SLC2A5: variants seen among roughly 807,000 people sequenced by gnomAD.
SLC2A5 encodes the protein solute carrier family 2, facilitated glucose transporter member 5.
A neutral mutation model predicts 50.3 loss-of-function variants in SLC2A5; 56 were observed. That is an observed-to-expected ratio of 1.11 (90% CI 0.90 to 1.39). The LOEUF (loss-of-function observed/expected upper bound fraction) is 1.39. Ranked by LOEUF, SLC2A5 falls within the 40% of genes most tolerant of loss-of-function variation. The pLI is 0.00. For synonymous variants in SLC2A5, 269 were observed against 281.9 expected (o/e 0.95, Z 0.46); for missense variants, 566 against 650.1 (o/e 0.87, Z 1.41).
chr1:9,080,551 A>C (rs1169470578), intron 2 of SLC2A5, among the ~76,000 whole-genome samples: 1 of 152,118 alleles, frequency 6.6e-6, no homozygotes, highest in Non-Finnish European at 1.5e-5. Flanking sequence ...GTGAGCTCTC[A>C]TTGTGGTTTT....
intron 1 of SLC2A5, among the ~76,000 whole-genome samples, chr1:9,060,648 A>C (rs1296743039): frequency 6.8e-4 from 45 of 66,256 alleles, no homozygotes; most frequent in South Asian, 1.2e-3. Context: ...CAGCCCACAC[A>C]CCCCCCACAC....
chr1:9,048,860 T>C (rs909881174), intron 3 of SLC2A5, among the ~76,000 whole-genome samples: 2 of 152,116 alleles, frequency 1.3e-5, no homozygotes, highest in African/African-American at 2.4e-5. Flanking sequence ...TTTCCCCATG[T>C]TGGCCAGGCT....
At chr1:9,084,710 A>G (rs1179780221) in intron 2 of SLC2A5, among the ~76,000 whole-genome samples, 5 of 152,194 alleles carry the variant, frequency 3.3e-5, no homozygotes, top group African/African-American at 4.8e-5. Flanking sequence ...CAGCAGCCCT[A>G]TGGGGGCAGC....
intron 2 of SLC2A5, among the ~76,000 whole-genome samples, chr1:9,080,385 C>T (rs1289111777): frequency 6.6e-6 from 1 of 152,062 alleles, no homozygotes; most frequent in Non-Finnish European, 1.5e-5. Context: ...TTAGGAATTA[C>T]CGTTCTGTTT....
chr1:9,087,168 C>T (rs1405046777), intron 1 of SLC2A5, among the ~76,000 whole-genome samples: 1 of 151,850 alleles, frequency 6.6e-6, no homozygotes, highest in Non-Finnish European at 1.5e-5. Context: ...ATAAACCTGT[C>T]CTTAACTGTC....
Sources: gnomAD v4.1 joint callset for allele counts (sites outside exome capture counted in the v4.1 genomes callset) on GRCh38, gnomAD v4.1.1 for gene constraint, MANE v1.5 for transcripts, NCBI Gene and HGNC (gene_info 2026-07-23, HGNC 2026-07-21) for gene names.